Variants in GPRC6A observed in about 807,000 individuals in gnomAD.
GPRC6A encodes G protein-coupled receptor class C group 6 member A.
In GPRC6A, 54 loss-of-function variants were observed where a neutral mutation model predicts 47.0. That is an observed-to-expected ratio of 1.15 (90% CI 0.92 to 1.44). GPRC6A has a LOEUF of 1.44. GPRC6A is among the 40% of genes most tolerant of loss of function. The probability of loss-of-function intolerance (pLI) is 0.00; values close to 1 mark genes in which losing one functional copy is unlikely to be tolerated. For missense variants in GPRC6A, 1,112 were observed against 1,105.5 expected, an observed-to-expected ratio of 1.01 and a Z score of -0.08; for synonymous variants, 347 against 377.1, an observed-to-expected ratio of 0.92 and a Z score of 0.93.
At chr6:116,818,519 G>A (rs1324922488) in intron 1 of GPRC6A, among the ~76,000 whole-genome samples, 2 of 50,650 alleles carry the variant, frequency 3.9e-5, no homozygotes, top group African/African-American at 1.2e-4. Context: ...GGGCGACAGA[G>A]CGAGACTCCG....
At chr6:116,811,465 A>C (rs530436111) in intron 1 of GPRC6A, among the ~76,000 whole-genome samples, 2 of 152,282 alleles carry the variant, frequency 1.3e-5, no homozygotes, top group African/African-American at 4.8e-5. Context: ...AATGTAAATA[A>C]ATTTTTTAAA....
Position 116,814,784 on chromosome 6 carries a change from G to A in GPRC6A, c.195-5167C>T, listed in dbSNP as rs563292163. The stretch of plus-strand genomic sequence containing the variant: ...AAAGAAAAAAAAGAGATATAGACTG[G>A]CTGTATAAATAAAAAAAGCATGATC... On this transcript the variant is annotated intron_variant, in intron 1 of 5. Coordinates refer to ENST00000310357, the MANE Select transcript of GPRC6A (RefSeq NM_148963.4). 1.1e-3 allele frequency among the ~76,000 whole-genome samples: 165 copies of A among 151,828 alleles called. 1 individual carries two copies. Among genetic ancestry groups the A allele is most frequent in the Non-Finnish European group, 1.7e-3 (113 of 67,906 alleles).
In GPRC6A at chr6:116,804,766, T is replaced by A. The variant is rs116665356; in HGVS notation, c.1335+1604A>T. 7.0e-3 allele frequency among the ~76,000 whole-genome samples: 1,061 copies of A among 152,214 alleles called. 10 individuals are homozygous for A. The highest frequency in any genetic ancestry group is 0.024 in the African/African-American group (1,014 of 41,566). On this transcript the variant is annotated intron_variant, in intron 3 of 5. Coordinates refer to ENST00000310357, the MANE Select transcript of GPRC6A (RefSeq NM_148963.4). ...TATTCCTAATTTAAAATACTTTCTC[T>A]ATTTTTCCCCAGATCTTCAGGGGGT...
At position 116,795,713 on chromosome 6, in the gene GPRC6A, T is replaced by C. The variant is rs971241973; in HGVS notation, c.1671A>G (p.Thr557=). 3.7e-6 allele frequency: 6 copies of C among 1,607,630 alleles called. No homozygotes were observed. The Admixed American group carries it at 6.7e-5, about 18-fold the overall frequency. ...TGTATGTGGAGTGACTGTGATTACC[T>C]GTCTGATTAGTGTAATGATTTTCAG... is the stretch of plus-strand genomic sequence containing the variant. ...NCPENHYTNQ[T]DMPHCLLCNN... The change falls in exon 5 of 6, where the codon ACA becomes ACG. Residue 557 remains threonine, a splice_region_variant and synonymous_variant. Transcript: ENST00000310357.
Position 116,800,624 on chromosome 6 carries a change from A to T in GPRC6A, c.1508T>A (p.Ile503Asn), listed in dbSNP as rs770451949. The T allele has an allele frequency of 6.2e-7, 1 of 1,613,620 alleles. No individual in the cohort carries two copies. Among genetic ancestry groups the T allele is most frequent in the Non-Finnish European group, 8.5e-7 (1 of 1,179,726 alleles). Residue 503 changes from isoleucine (I) to asparagine (N), a missense_variant, in exon 4 of 6, where the codon ATC becomes AAC. Transcript: ENST00000310357. Reference protein sequence around the residue: ...EYDLQNDVFIIPDQETKNEFR... With the variant: ...EYDLQNDVFINPDQETKNEFR... ...CTCATTTTTTGTTTCCTGATCTGGG[A>T]TGATGAAGACATCATTCTGTAGGTC...
chr6:116,819,602 A>G (rs1263805625), intron 1 of GPRC6A, among the ~76,000 whole-genome samples: 2 of 152,214 alleles, frequency 1.3e-5, no homozygotes, highest in Non-Finnish European at 2.9e-5. Context: ...CTGCTCCTGA[A>G]TGACTACTGG....
chr6:116,811,888 G>T (rs1276835487), intron 1 of GPRC6A, among the ~76,000 whole-genome samples: 1 of 152,038 alleles, frequency 6.6e-6, no homozygotes, highest in African/African-American at 2.4e-5. Context: ...GGAACACCAT[G>T]AAGTGACCAA....
chr6:116,793,323 G>C, intron 5 of GPRC6A, 73 bp from the exon 6 acceptor site: 2 of 1,048,882 alleles, frequency 1.9e-6, no homozygotes, highest in Non-Finnish European at 2.7e-6. Context: ...CTACAAATGA[G>C]ATTCGTCTTC....
chr6:116,818,556 A>T (rs1374253218), intron 1 of GPRC6A, among the ~76,000 whole-genome samples: 2 of 133,588 alleles, frequency 1.5e-5, no homozygotes, highest in African/African-American at 5.2e-5. Context: ...AAAAAAAAAA[A>T]AAAAAAAAAA....
intron 1 of GPRC6A, among the ~76,000 whole-genome samples, chr6:116,821,903 T>C (rs1392443681): frequency 6.6e-4 from 98 of 149,312 alleles, no homozygotes; most frequent in African/African-American, 2.3e-3. Flanking sequence ...CAAAAGAAAC[T>C]ACCATCAGAG....
intron 4 of GPRC6A, among the ~76,000 whole-genome samples, chr6:116,796,143 C>T (rs6919622): frequency 0.25 from 37,654 of 151,754 alleles, 5,179 homozygotes; most frequent in Non-Finnish European, 0.31. Context: ...AAAATAATGA[C>T]GGTTTGGAAA....
At chr6:116,810,644 T>C (rs1279003218) in intron 1 of GPRC6A, among the ~76,000 whole-genome samples, 3 of 151,674 alleles carry the variant, frequency 2.0e-5, no homozygotes, top group Non-Finnish European at 4.4e-5. Context: ...CAAATAGTAA[T>C]ATTCAAATAG....
At chr6:116,827,801 G>A (rs766958880) in intron 1 of GPRC6A, among the ~76,000 whole-genome samples, 7 of 151,846 alleles carry the variant, frequency 4.6e-5, no homozygotes, top group Non-Finnish European at 7.4e-5. Flanking sequence ...GATGACAATA[G>A]CTAAAAGTGC....
chr6:116,817,803 A>G (rs1468063750), intron 1 of GPRC6A, among the ~76,000 whole-genome samples: 3 of 152,206 alleles, frequency 2.0e-5, no homozygotes, highest in Non-Finnish European at 4.4e-5. Flanking sequence ...GAAAGGAATG[A>G]AATGAAGCGA....
chr6:116,809,707 A>G (rs1359150685), intron 1 of GPRC6A, 90 bp from the exon 2 acceptor site: 2 of 787,140 alleles, frequency 2.5e-6, no homozygotes, highest in East Asian at 2.5e-5. Context: ...CCTCATAGCA[A>G]TTTCTGGATG....
At position 116,809,494 on chromosome 6, in the gene GPRC6A, G is replaced by A. The variant is rs142730152; in HGVS notation, c.318C>T (p.Val106=). ...GYEIYDTCTE[V]TVAMAATLRF... ...TCAGAGTGGCTGCCATTGCCACTGT[G>A]ACTTCTGTACAAGTGTCATAGATTT... Residue 106 remains valine (V), a synonymous_variant, in exon 2 of 6, where the codon GTC becomes GTT. Coordinates refer to ENST00000310357, the MANE Select transcript of GPRC6A (RefSeq NM_148963.4). The A allele has an allele frequency of 1.5e-5, 25 of 1,613,500 alleles. No homozygotes were observed. The highest frequency in any genetic ancestry group is 2.1e-5 in the Non-Finnish European group (25 of 1,179,764).
At chr6:116,815,956 C>T (rs1343478871) in intron 1 of GPRC6A, among the ~76,000 whole-genome samples, 1 of 152,224 alleles carries the variant, frequency 6.6e-6, no homozygotes, top group African/African-American at 2.4e-5. Flanking sequence ...ATGCTGGCAT[C>T]TGCTCAGTTT....
chr6:116,820,645 A>C (rs1470337264), intron 1 of GPRC6A, among the ~76,000 whole-genome samples: 3 of 151,568 alleles, frequency 2.0e-5, no homozygotes, highest in South Asian at 4.2e-4. Flanking sequence ...AAAGCCTTTG[A>C]CAAAATTCAA....
At chr6:116,811,408 A>G (rs1168503722) in intron 1 of GPRC6A, among the ~76,000 whole-genome samples, 1 of 152,144 alleles carries the variant, frequency 6.6e-6, no homozygotes, top group Non-Finnish European at 1.5e-5. Flanking sequence ...CAGGAAAATG[A>G]CACTTTTAAA....
Sources: gnomAD v4.1 joint callset for allele counts (sites outside exome capture counted in the v4.1 genomes callset) on GRCh38, gnomAD v4.1.1 for gene constraint, MANE v1.5 for transcripts, NCBI Gene and HGNC (gene_info 2026-07-23, HGNC 2026-07-21) for gene names.